NHSL2: variants seen among roughly 807,000 people sequenced by gnomAD.
NHSL2 encodes NHS like 2.
A neutral mutation model predicts 53.4 loss-of-function variants in NHSL2; 27 were observed. The observed-to-expected ratio is 0.51, with a 90% confidence interval of 0.37 to 0.70. The LOEUF (loss-of-function observed/expected upper bound fraction) is 0.70. Ranked by LOEUF, NHSL2 falls within the 30% of genes least tolerant of loss-of-function variation. The pLI is 0.00. For synonymous variants in NHSL2, 408 were observed against 404.1 expected (o/e 1.01, Z -0.12); for missense variants, 892 against 980.1 (o/e 0.91, Z 1.20).
intron 1 of NHSL2, among the ~76,000 whole-genome samples, chrX:71,941,185 G>A (rs192783437): frequency 3.1e-4 from 35 of 111,695 alleles, no homozygotes; most frequent in African/African-American, 1.1e-3. Flanking sequence ...TTGTGTATGT[G>A]TGTGTGTCTG....
At position 72,143,828 on chromosome X, in the gene NHSL2, C is replaced by T. The variant is rs893074706; in HGVS notation, c.*254C>T. On this transcript the variant is annotated 3_prime_UTR_variant, in exon 8 of 8. Transcript: ENST00000633930. ...ACTACCGAGTTTCTTCTTATTTTCC[C>T]CCAGTGGTGTGCACTAACTAAGAAG... 2 of 250,310 alleles carry T rather than the reference C, an allele frequency of 8.0e-6. No homozygotes were observed. The highest frequency in any genetic ancestry group is 6.4e-5 in the Admixed American group (1 of 15,704). 20.6% of individuals were successfully genotyped at this position (250,310 alleles called of 1,213,427 possible).
chrX:72,112,665 A>G (rs999998900), intron 1 of NHSL2, among the ~76,000 whole-genome samples: 1 of 111,688 alleles, frequency 9.0e-6, no homozygotes, highest in Non-Finnish European at 1.9e-5. Context: ...AGGTTCATCC[A>G]TGTTGTAGCC....
At chrX:71,988,597 C>T (rs751054263) in intron 1 of NHSL2, among the ~76,000 whole-genome samples, 6 of 110,629 alleles carry the variant, frequency 5.4e-5, no homozygotes, top group Non-Finnish European at 1.1e-4. Context: ...CTAAATTGGG[C>T]CTCTAACTCA....
At chrX:71,994,224 C>T (rs1043143859) in intron 1 of NHSL2, among the ~76,000 whole-genome samples, 2 of 110,045 alleles carry the variant, frequency 1.8e-5, no homozygotes, top group Admixed American at 9.7e-5. Context: ...CCCCTGCCCT[C>T]GAGAAGCAAC....
At chrX:72,129,827 G>A (rs2042265856) in intron 1 of NHSL2, 5 of 1,185,939 alleles carry the variant, frequency 4.2e-6, no homozygotes, top group African/African-American at 1.7e-5. Context: ...TCTGGCCCCA[G>A]CACTCAAACT....
intron 1 of NHSL2, among the ~76,000 whole-genome samples, chrX:72,024,815 G>T (rs1340701669): frequency 8.9e-6 from 1 of 112,294 alleles, no homozygotes; most frequent in Admixed American, 9.4e-5. Context: ...TATATTGAAG[G>T]TGTTAATCAA....
chrX:72,001,308 C>T (rs961635198), intron 1 of NHSL2, among the ~76,000 whole-genome samples: 9 of 111,838 alleles, frequency 8.0e-5, no homozygotes, highest in African/African-American at 2.9e-4. Flanking sequence ...TGGCTGGTTT[C>T]GCTGTGCTAC....
intron 1 of NHSL2, among the ~76,000 whole-genome samples, chrX:72,120,277 T>C (rs1013377740): frequency 5.3e-5 from 6 of 112,535 alleles, no homozygotes; most frequent in African/African-American, 1.9e-4. Flanking sequence ...CATTAATTCT[T>C]CTTTAAATGT....
intron 1 of NHSL2, among the ~76,000 whole-genome samples, chrX:71,960,480 T>G (rs746980118): frequency 1.2e-4 from 13 of 112,586 alleles, no homozygotes; most frequent in African/African-American, 4.2e-4. Flanking sequence ...TCCAAGATCA[T>G]GATGATTGAC....
chrX:72,021,660 A>G (rs570046344), intron 1 of NHSL2, among the ~76,000 whole-genome samples: 1 of 111,424 alleles, frequency 9.0e-6, no homozygotes, highest in African/African-American at 3.3e-5. Flanking sequence ...CCTTCATCTT[A>G]CTCAGGGGGA....
chrX:72,040,291 C>T (rs2042266437), intron 1 of NHSL2, among the ~76,000 whole-genome samples: 1 of 111,951 alleles, frequency 8.9e-6, no homozygotes, highest in African/African-American at 3.3e-5. Context: ...ATTTCATTTA[C>T]CATACCCTCC....
intron 1 of NHSL2, among the ~76,000 whole-genome samples, chrX:71,924,737 C>T (rs745428342): frequency 1.8e-5 from 2 of 112,378 alleles, no homozygotes; most frequent in South Asian, 7.3e-4. Context: ...AGGCTAGTGA[C>T]GGGCCTTTGA....
chrX:72,100,283 C>A (rs1173257114), intron 1 of NHSL2, among the ~76,000 whole-genome samples: 2 of 112,075 alleles, frequency 1.8e-5, no homozygotes, highest in East Asian at 5.5e-4. Flanking sequence ...CTGCTGCACA[C>A]CTAGGCTATA....
intron 1 of NHSL2, among the ~76,000 whole-genome samples, chrX:72,108,805 C>T (rs1054155496): frequency 9.0e-6 from 1 of 111,693 alleles, no homozygotes; most frequent in African/African-American, 3.3e-5. Context: ...GGAGAGCAGT[C>T]AGGTCACACC....
intron 1 of NHSL2, among the ~76,000 whole-genome samples, chrX:72,086,844 T>C (rs994731467): frequency 8.9e-6 from 1 of 111,908 alleles, no homozygotes; most frequent in Non-Finnish European, 1.9e-5. Context: ...TTAAAAAAGA[T>C]ACGAGAGTTA....
At chrX:71,923,340 C>T (rs904587840) in intron 1 of NHSL2, among the ~76,000 whole-genome samples, 3 of 111,671 alleles carry the variant, frequency 2.7e-5, no homozygotes, top group South Asian at 3.8e-4. Context: ...ATGGAGTATC[C>T]TCTGGGTGGA....
chrX:72,028,895 G>A (rs1001183445), intron 1 of NHSL2, among the ~76,000 whole-genome samples: 8 of 112,400 alleles, frequency 7.1e-5, no homozygotes, highest in Admixed American at 2.8e-4. Context: ...TGGACCAAGC[G>A]TTGTTTGGAT....
At chrX:71,991,121 G>A (rs1245284196) in intron 1 of NHSL2, among the ~76,000 whole-genome samples, 2 of 112,888 alleles carry the variant, frequency 1.8e-5, no homozygotes, top group East Asian at 2.8e-4. Context: ...TGGGCTTCGT[G>A]TCTTCAACAG....
chrX:72,103,436 G>A (rs147369816), intron 1 of NHSL2, among the ~76,000 whole-genome samples: 224 of 112,106 alleles, frequency 2.0e-3, no homozygotes, highest in African/African-American at 7.0e-3. Flanking sequence ...TCTCACCGAG[G>A]GCATCATGGC....
Sources: gnomAD v4.1 joint callset for allele counts (sites outside exome capture counted in the v4.1 genomes callset) on GRCh38, gnomAD v4.1.1 for gene constraint, MANE v1.5 for transcripts, NCBI Gene and HGNC (gene_info 2026-07-23, HGNC 2026-07-21) for gene names.